DCST1: variants seen among roughly 807,000 people sequenced by gnomAD.
The protein encoded by DCST1 is E3 ubiquitin-protein ligase DCST1.
Under a neutral mutation model 89.1 loss-of-function variants are expected in DCST1, and 78 were observed. The observed-to-expected ratio is 0.88, with a 90% confidence interval of 0.73 to 1.06. The LOEUF is 1.06. Ranked by LOEUF, DCST1 falls within the 50% of genes least tolerant of loss-of-function variation. The pLI is 0.00. For synonymous variants in DCST1, 364 were observed against 371.9 expected (o/e 0.98, Z 0.24); for missense variants, 900 against 928.6 (o/e 0.97, Z 0.40).
chr1:155,047,741 C>G, intron 14 of DCST1, 46 bp from the exon 15 acceptor site: 8 of 1,587,770 alleles, frequency 5.0e-6, no homozygotes, highest in Non-Finnish European at 6.0e-6. Flanking sequence ...GGCTGCCCTG[C>G]CCCTTGGCTG....
Position 155,050,878 on chromosome 1 carries a change from C to T in DCST1, c.*10C>T, listed in dbSNP as rs778446283. On this transcript the variant is annotated 3_prime_UTR_variant, in exon 17 of 17. Transcript: ENST00000295542. ...TGCCTACGCGGGGTGAAGAGGCGTC[C>T]TGCTCGCTCTTCCGCACCGTCCTTC... The T allele has an allele frequency of 2.5e-6, 4 of 1,606,114 alleles. No individual in the cohort carries two copies. The South Asian group carries it at 4.4e-5, about 18-fold the overall frequency.
chr1:155,039,176 A>G (rs528802874), intron 4 of DCST1, among the ~76,000 whole-genome samples: 3 of 152,336 alleles, frequency 2.0e-5, no homozygotes, highest in African/African-American at 7.2e-5. Context: ...AGTTCTAGCC[A>G]TCCCTCTATG....
At chr1:155,049,417 A>T (rs1349392924) in intron 16 of DCST1, among the ~76,000 whole-genome samples, 2 of 146,210 alleles carry the variant, frequency 1.4e-5, no homozygotes, top group Admixed American at 6.8e-5. Context: ...ATTGAATTGA[A>T]TTTTTTTTTT....
Position 155,041,745 on chromosome 1 carries a change from T to C in DCST1, c.780T>C (p.Arg260=). 1 of 1,614,218 alleles carries C rather than the reference T, an allele frequency of 6.2e-7. No homozygotes were observed. ...TGAACCAGGCCATACTCAGCTGCCG[T>C]CGTTGGTTTGACCGCAAGCATGAAC... ...YVVNQAILSC[R]RWFDRKHEQC... Residue 260 remains arginine, a synonymous_variant, in exon 8 of 17, where the codon CGT becomes CGC. Transcript: ENST00000295542.
At position 155,034,425 on chromosome 1, in the gene DCST1, C is replaced by A; in HGVS notation, c.62-10C>A. On this transcript the variant is annotated splice_polypyrimidine_tract_variant and intron_variant, in intron 2 of 16. Coordinates refer to ENST00000295542, the MANE Select transcript of DCST1 (RefSeq NM_152494.4). The stretch of plus-strand genomic sequence containing the variant: ...GAGTGGGCTGTTGAGCTACCCTGTC[C>A]CCCTCTTAGCGGTGCAGAGGCTCCT... The A allele has an allele frequency of 6.2e-7, 1 of 1,613,996 alleles. No individual in the cohort carries two copies. Among genetic ancestry groups the A allele is most frequent in the South Asian group, 1.1e-5 (1 of 91,088 alleles).
chr1:155,050,465 C>T, intron 16 of DCST1, 152 bp from the exon 17 acceptor site: 1 of 1,052,336 alleles, frequency 9.5e-7, no homozygotes, highest in Non-Finnish European at 1.3e-6. Context: ...GAGGGAGGCA[C>T]CCTCGCCCTC....
intron 5 of DCST1, 99 bp from the exon 6 acceptor site, chr1:155,040,386 A>G (rs1364345514): frequency 1.5e-6 from 2 of 1,352,856 alleles, no homozygotes; most frequent in East Asian, 2.6e-5. Context: ...ACCACTGTAT[A>G]GTTCTAGGCG....
chr1:155,037,167 A>G (rs1003908474), intron 4 of DCST1, among the ~76,000 whole-genome samples: 3 of 152,130 alleles, frequency 2.0e-5, no homozygotes, highest in Non-Finnish European at 4.4e-5. Context: ...CTACAGAGGC[A>G]TTACAGAGGC....
chr1:155,046,334 C>T (rs1446360532), intron 12 of DCST1, 26 bp from the exon 13 acceptor site: 3 of 1,614,162 alleles, frequency 1.9e-6, no homozygotes, highest in Non-Finnish European at 8.5e-7. Context: ...CACTGCCCAG[C>T]TCTGCCCCTC....
intron 16 of DCST1, among the ~76,000 whole-genome samples, chr1:155,050,006 A>C (rs1660838425): frequency 6.6e-6 from 1 of 152,242 alleles, no homozygotes; most frequent in Non-Finnish European, 1.5e-5. Flanking sequence ...GAGGCTAGAA[A>C]GGGACCAGGT....
intron 8 of DCST1, 24 bp from the exon 9 acceptor site, chr1:155,042,711 C>T (rs748463738): frequency 6.2e-7 from 1 of 1,613,834 alleles, no homozygotes; most frequent in Non-Finnish European, 8.5e-7. Flanking sequence ...GGGGAGGCCC[C>T]TGACCCCGTC....
chr1:155,050,792 C>G lies in DCST1; in HGVS notation c.2045C>G (p.Pro682Arg). The change falls in exon 17 of 17, where the codon CCG becomes CGG. Residue 682 changes from proline to arginine, a missense_variant. Physicochemically the swap from Pro to Arg is moderately radical, Grantham distance 103 (BLOSUM62 -2). Coordinates refer to ENST00000295542, the MANE Select transcript of DCST1 (RefSeq NM_152494.4). ...SCWDDMRQRC[P>R]VCTPREELSS... ...TGGGACGACATGCGGCAGCGGTGCC[C>G]GGTCTGCACGCCCCGCGAAGAGCTC... The G allele has an allele frequency of 6.2e-7, 1 of 1,611,584 alleles. No individual in the cohort carries two copies. The highest frequency in any genetic ancestry group is 8.5e-7 in the Non-Finnish European group (1 of 1,179,096).
intron 4 of DCST1, among the ~76,000 whole-genome samples, chr1:155,036,075 A>G (rs1268331029): frequency 1.3e-5 from 2 of 151,136 alleles, no homozygotes; most frequent in Non-Finnish European, 2.9e-5. Flanking sequence ...AAAAAAAGGA[A>G]GAAACATCCT....
At chr1:155,034,835 C>T in intron 4 of DCST1, 108 bp downstream of exon 4, 1 of 1,208,006 alleles carries the variant, frequency 8.3e-7, no homozygotes, top group South Asian at 1.2e-5. Flanking sequence ...CCCATACATC[C>T]CCTGTGGCTT....
chr1:155,034,123 A>T, intron 2 of DCST1, 26 bp downstream of exon 2: 1 of 1,613,614 alleles, frequency 6.2e-7, no homozygotes, highest in South Asian at 1.1e-5. Flanking sequence ...GAGACCCAGT[A>T]TCCCTTGACC....
At chr1:155,041,925 G>A in intron 8 of DCST1, 68 bp downstream of exon 8, 1 of 1,595,452 alleles carries the variant, frequency 6.3e-7, no homozygotes, top group Non-Finnish European at 8.6e-7. Context: ...CCCACTGGTA[G>A]GTGACAGGCA....
chr1:155,047,766 C>G, intron 14 of DCST1, 21 bp from the exon 15 acceptor site: 7 of 1,611,142 alleles, frequency 4.3e-6, no homozygotes, highest in Non-Finnish European at 5.9e-6. Context: ...TGACCAGACC[C>G]CTGGCCTGCC....
intron 15 of DCST1, 22 bp downstream of exon 15, chr1:155,047,951 T>C: frequency 6.2e-7 from 1 of 1,613,644 alleles, no homozygotes; most frequent in Non-Finnish European, 8.5e-7. Context: ...CCCAGACCTC[T>C]CCACCCCTAC....
At chr1:155,041,932 G>A (rs1660452497) in intron 8 of DCST1, 75 bp downstream of exon 8, 5 of 1,588,932 alleles carry the variant, frequency 3.1e-6, no homozygotes, top group Non-Finnish European at 3.4e-6. Context: ...GTAGGTGACA[G>A]GCAGGAAAGC....
Sources: allele counts gnomAD v4.1 joint callset (sites outside exome capture counted in the v4.1 genomes callset), GRCh38; gene constraint gnomAD v4.1.1; transcripts MANE v1.5; gene names NCBI Gene and HGNC (gene_info 2026-07-23, HGNC 2026-07-21).